SGCZ: variants seen among roughly 807,000 people sequenced by gnomAD.
SGCZ encodes the protein sarcoglycan zeta, also known as zeta-sarcoglycan.
A neutral mutation model predicts 41.3 loss-of-function variants in SGCZ; 40 were observed. That is an observed-to-expected ratio of 0.97 (90% CI 0.75 to 1.26). SGCZ has a LOEUF of 1.26. SGCZ is among the 50% of genes most tolerant of loss of function. The pLI, the probability that SGCZ is intolerant of heterozygous loss-of-function variation, is 0.00. For synonymous variants in SGCZ, 206 were observed against 137.5 expected, an observed-to-expected ratio of 1.50 and a Z score of -3.49; for missense variants, 552 against 369.8, an observed-to-expected ratio of 1.49 and a Z score of -4.04.
chr8:14,204,690 A>G (rs1363601022), intron 4 of SGCZ, among the ~76,000 whole-genome samples: 1 of 152,170 alleles, frequency 6.6e-6, no homozygotes, highest in Non-Finnish European at 1.5e-5. Context: ...GCTGGGTAGA[A>G]CAAAAAGTTA....
At chr8:15,090,517 A>C (rs13439373) in intron 1 of SGCZ, among the ~76,000 whole-genome samples, 9,432 of 152,250 alleles carry the variant, frequency 0.062, 698 homozygotes, top group African/African-American at 0.18. Context: ...AACAAATCCA[A>C]ACCAAAGGTC....
chr8:14,812,029 T>C lies in SGCZ; in HGVS notation c.40-257103A>G, dbSNP rs2165590. Among the ~76,000 whole-genome samples, 856 of 152,084 alleles carry C rather than the reference T, an allele frequency of 5.6e-3. 15 individuals carry two copies. Among genetic ancestry groups the C allele is most frequent in the African/African-American group, 0.019 (794 of 41,526 alleles). ...ATGGGATGAGTATGGAAAGGGATTA[T>C]AGGGGTAAGACAGGGCCAAGCTTAT... On this transcript the variant is annotated intron_variant, in intron 1 of 7. Coordinates refer to ENST00000382080, the MANE Select transcript of SGCZ (RefSeq NM_139167.4).
intron 4 of SGCZ, among the ~76,000 whole-genome samples, chr8:14,188,174 A>T (rs1440568818): frequency 6.6e-6 from 1 of 152,246 alleles, no homozygotes; most frequent in Non-Finnish European, 1.5e-5. Flanking sequence ...CTATGTTATA[A>T]GAAATAGTGA....
intron 2 of SGCZ, among the ~76,000 whole-genome samples, chr8:14,436,047 A>AC (rs1369426956): frequency 2.0e-5 from 3 of 152,224 alleles, no homozygotes; most frequent in African/African-American, 4.8e-5. Flanking sequence ...CCTAACCCTG[A>AC]CCTATAGCCA....
chr8:14,718,443 T>A (rs1214856554), intron 1 of SGCZ, among the ~76,000 whole-genome samples: 3 of 151,916 alleles, frequency 2.0e-5, no homozygotes, highest in South Asian at 2.1e-4. Flanking sequence ...TTTTAAAGGA[T>A]CCCCACAAGA....
chr8:15,148,297 A>G (rs761563673), intron 1 of SGCZ, among the ~76,000 whole-genome samples: 1 of 152,200 alleles, frequency 6.6e-6, no homozygotes, highest in Non-Finnish European at 1.5e-5. Flanking sequence ...TTTGATGGAC[A>G]TTAAGTTGCT....
At chr8:14,899,867 A>G (rs80213007) in intron 1 of SGCZ, among the ~76,000 whole-genome samples, 1,689 of 151,804 alleles carry the variant, frequency 0.011, 26 homozygotes, top group African/African-American at 0.039. Flanking sequence ...AAGAAGAAGA[A>G]GAGGAGGAGG....
At chr8:14,174,254 T>A (rs1354052038) in intron 4 of SGCZ, among the ~76,000 whole-genome samples, 1 of 152,152 alleles carries the variant, frequency 6.6e-6, no homozygotes, top group East Asian at 1.9e-4. Context: ...CAAGACACTG[T>A]GATATTGCAT....
chr8:15,172,067 CAAAT>C (rs950928795), intron 1 of SGCZ, among the ~76,000 whole-genome samples: 1 of 141,584 alleles, frequency 7.1e-6, no homozygotes, highest in Admixed American at 7.3e-5. Flanking sequence ...CTACACAAAA[CAAAT>C]AACAAAAGCC....
intron 1 of SGCZ, among the ~76,000 whole-genome samples, chr8:14,749,913 C>CA (rs1799449196): frequency 6.6e-6 from 1 of 151,736 alleles, no homozygotes; most frequent in African/African-American, 2.4e-5. Flanking sequence ...ATATTATGTA[C>CA]AAAAAATAAA....
intron 2 of SGCZ, among the ~76,000 whole-genome samples, chr8:14,337,971 T>C (rs1325128497): frequency 6.6e-6 from 1 of 152,154 alleles, no homozygotes; most frequent in African/African-American, 2.4e-5. Context: ...TATAAGGAGA[T>C]GCTTAATAAC....
chr8:15,062,828 GA>G, intron 1 of SGCZ, among the ~76,000 whole-genome samples: 1 of 152,106 alleles, frequency 6.6e-6, no homozygotes, highest in South Asian at 2.1e-4. Flanking sequence ...ATGATTAATC[GA>G]TTTGGCTCCT....
chr8:14,677,514 G>C lies in SGCZ; in HGVS notation c.40-122588C>G, dbSNP rs528638278. ...GGGCCGGGCGGGGTGGCTCACACCTGTAATCCAGCTTTTTGAGAGGCTGAG... is the reference window on the plus strand; with the variant it reads ...GGGCCGGGCGGGGTGGCTCACACCTCTAATCCAGCTTTTTGAGAGGCTGAG... On this transcript the variant is annotated intron_variant, in intron 1 of 7. Transcript: ENST00000382080. 2.6e-5 allele frequency among the ~76,000 whole-genome samples: 4 copies of C among 152,220 alleles called. No homozygotes were observed. The South Asian group carries it at 8.3e-4, about 32-fold the overall frequency.
chr8:14,346,874 C>A (rs551320353), intron 2 of SGCZ, among the ~76,000 whole-genome samples: 2 of 151,900 alleles, frequency 1.3e-5, no homozygotes, highest in African/African-American at 4.8e-5. Context: ...TAGGGCGTTT[C>A]CTTTTTTTCT....
chr8:15,080,512 AC>A, intron 1 of SGCZ, among the ~76,000 whole-genome samples: 1 of 152,204 alleles, frequency 6.6e-6, no homozygotes, highest in East Asian at 1.9e-4. Flanking sequence ...CCCAAATGTG[AC>A]TGGTTTGGAG....
intron 1 of SGCZ, among the ~76,000 whole-genome samples, chr8:14,894,451 G>A (rs999657796): frequency 6.6e-6 from 1 of 152,088 alleles, no homozygotes; most frequent in Non-Finnish European, 1.5e-5. Flanking sequence ...AAAGAAATCT[G>A]TCAGTATCCC....
intron 1 of SGCZ, among the ~76,000 whole-genome samples, chr8:14,657,285 T>C (rs1807607937): frequency 6.6e-6 from 1 of 152,002 alleles, no homozygotes; most frequent in Non-Finnish European, 1.5e-5. Flanking sequence ...ATGGTGGCCT[T>C]ACCATGTACA....
In SGCZ at chr8:14,566,431, G is replaced by T. The variant is rs143167916; in HGVS notation, c.40-11505C>A. On this transcript the variant is annotated intron_variant, in intron 1 of 7. Transcript: ENST00000382080. ...CCCTGCTGGGTCGATTCCCTACTGA[G>T]GCCAGACCCTGATTCTCTGCTCTCC... 2.5e-3 allele frequency among the ~76,000 whole-genome samples: 380 copies of T among 152,270 alleles called. 1 individual carries two copies. The highest frequency in any genetic ancestry group is 3.4e-3 in the Non-Finnish European group (234 of 68,014).
intron 2 of SGCZ, among the ~76,000 whole-genome samples, chr8:14,529,428 A>G (rs1365862179): frequency 6.6e-6 from 1 of 152,152 alleles, no homozygotes; most frequent in African/African-American, 2.4e-5. Context: ...CAAATGTGCC[A>G]CATTGTTTAG....
Sources: allele counts gnomAD v4.1 joint callset (sites outside exome capture counted in the v4.1 genomes callset), GRCh38; gene constraint gnomAD v4.1.1; transcripts MANE v1.5; gene names NCBI Gene and HGNC (gene_info 2026-07-23, HGNC 2026-07-21).